Variants in TENM3 observed in about 807,000 individuals in gnomAD.
TENM3 encodes teneurin-3.
TENM3 carries 63 observed loss-of-function variants against 255.1 expected under a neutral mutation model. The observed-to-expected ratio is 0.25, with a 90% confidence interval of 0.20 to 0.30. The LOEUF (loss-of-function observed/expected upper bound fraction) is 0.30. TENM3 is among the 10% of genes least tolerant of loss of function. The probability of loss-of-function intolerance (pLI) is 1.00; values close to 1 mark genes in which losing one functional copy is unlikely to be tolerated. For missense variants in TENM3, 2,929 were observed against 3,461.1 expected, an observed-to-expected ratio of 0.85 and a Z score of 3.86; for synonymous variants, 1,306 against 1,322.3, an observed-to-expected ratio of 0.99 and a Z score of 0.27.
intron 1 of TENM3, among the ~76,000 whole-genome samples, chr4:182,219,121 C>T (rs1214044881): frequency 6.6e-6 from 1 of 152,150 alleles, no homozygotes; most frequent in African/African-American, 2.4e-5. Context: ...ACTCGGGAGG[C>T]TGAGGCAGGT....
the TENM3 span, among the ~76,000 whole-genome samples, chr4:181,928,425 A>T: frequency 1.3e-5 from 2 of 151,934 alleles, no homozygotes; most frequent in African/African-American, 4.8e-5. Context: ...AGAAGAAAGG[A>T]TATCAGAAAT....
At chr4:182,498,071 TC>T (rs1735970620) in intron 3 of TENM3, among the ~76,000 whole-genome samples, 1 of 152,064 alleles carries the variant, frequency 6.6e-6, no homozygotes, top group South Asian at 2.1e-4. Context: ...CTTTTCCTAT[TC>T]AAAATTAAGT....
chr4:182,113,535 A>G, the TENM3 span, among the ~76,000 whole-genome samples: 1 of 152,206 alleles, frequency 6.6e-6, no homozygotes. Context: ...ACCAATGCAT[A>G]TATGAAATGA....
the TENM3 span, among the ~76,000 whole-genome samples, chr4:181,477,424 A>G: frequency 6.6e-6 from 1 of 152,136 alleles, no homozygotes; most frequent in African/African-American, 2.4e-5. Flanking sequence ...TTTGCAGCTG[A>G]AAGTTCAGGA....
chr4:182,267,421 T>A (rs1010609739), intron 1 of TENM3, among the ~76,000 whole-genome samples: 2 of 152,196 alleles, frequency 1.3e-5, no homozygotes, highest in African/African-American at 4.8e-5. Flanking sequence ...ACTGGAATAG[T>A]GTGTTTTCCT....
chr4:182,522,304 C>T (rs1290890547), intron 3 of TENM3, among the ~76,000 whole-genome samples: 2 of 152,300 alleles, frequency 1.3e-5, no homozygotes, highest in South Asian at 2.1e-4. Context: ...ACTGTATTTT[C>T]ATGTCCATCA....
the TENM3 span, among the ~76,000 whole-genome samples, chr4:181,490,113 C>G: frequency 6.6e-6 from 1 of 152,066 alleles, no homozygotes. Flanking sequence ...ATAATCAAAT[C>G]AGGGTAATGG....
At chr4:181,853,989 C>T in the TENM3 span, among the ~76,000 whole-genome samples, 2 of 152,178 alleles carry the variant, frequency 1.3e-5, no homozygotes, top group Non-Finnish European at 2.9e-5. Context: ...TCACTTGTAG[C>T]CATCCCACTG....
the TENM3 span, among the ~76,000 whole-genome samples, chr4:181,909,120 C>T: frequency 5.9e-5 from 9 of 152,166 alleles, no homozygotes; most frequent in African/African-American, 2.2e-4. Flanking sequence ...ACTATTTTAA[C>T]AAGCCTTCAG....
At chr4:182,577,139 A>G (rs1745006762) in intron 3 of TENM3, among the ~76,000 whole-genome samples, 1 of 152,210 alleles carries the variant, frequency 6.6e-6, no homozygotes, top group Non-Finnish European at 1.5e-5. Flanking sequence ...CAACTAAAGC[A>G]TTAGCTTATC....
intron 3 of TENM3, among the ~76,000 whole-genome samples, chr4:182,575,289 T>G (rs1744810439): frequency 6.6e-6 from 1 of 152,228 alleles, no homozygotes; most frequent in African/African-American, 2.4e-5. Context: ...TACAATTGTC[T>G]CAATGAGATT....
the TENM3 span, among the ~76,000 whole-genome samples, chr4:181,719,607 C>T: frequency 1.3e-5 from 2 of 152,290 alleles, no homozygotes; most frequent in East Asian, 3.9e-4. Context: ...AAGGCAGAGC[C>T]CTTATGACCT....
At chr4:182,210,856 C>T (rs1324349529) in intron 1 of TENM3, among the ~76,000 whole-genome samples, 7 of 152,154 alleles carry the variant, frequency 4.6e-5, no homozygotes, top group African/African-American at 7.2e-5. Flanking sequence ...ACCCTCTCTC[C>T]GTAGACCGGT....
chr4:181,780,975 G>A, the TENM3 span, among the ~76,000 whole-genome samples: 5 of 152,046 alleles, frequency 3.3e-5, no homozygotes, highest in Admixed American at 1.3e-4. Flanking sequence ...TGTTCCATTG[G>A]TCTATATCTC....
chr4:181,616,449 A>G, the TENM3 span, among the ~76,000 whole-genome samples: 2 of 148,646 alleles, frequency 1.3e-5, no homozygotes, highest in East Asian at 3.9e-4. Context: ...TCCTATCCAT[A>G]TAATGTAATA....
chr4:182,388,783 A>G (rs1554059389), intron 3 of TENM3, among the ~76,000 whole-genome samples: 1 of 152,172 alleles, frequency 6.6e-6, no homozygotes, highest in African/African-American at 2.4e-5. Flanking sequence ...GGCCACCCCA[A>G]TTTTTCAGAA....
chr4:182,020,939 AT>A, the TENM3 span, among the ~76,000 whole-genome samples: 2 of 149,772 alleles, frequency 1.3e-5, no homozygotes, highest in Non-Finnish European at 3.0e-5. Flanking sequence ...CTCCCTCTGG[AT>A]TTTTTTTTCA....
At chr4:181,582,709 ACTC>A in the TENM3 span, among the ~76,000 whole-genome samples, 2 of 150,790 alleles carry the variant, frequency 1.3e-5, no homozygotes, top group Non-Finnish European at 3.0e-5. Flanking sequence ...AGAAAAGAAA[ACTC>A]CTTTGCGGTT....
At chr4:181,533,001 A>G in the TENM3 span, among the ~76,000 whole-genome samples, 4 of 152,270 alleles carry the variant, frequency 2.6e-5, no homozygotes, top group Middle Eastern at 3.4e-3. Flanking sequence ...TATAAACGTA[A>G]ACTACTAACA....
Sources: allele counts gnomAD v4.1 joint callset (sites outside exome capture counted in the v4.1 genomes callset), GRCh38; gene constraint gnomAD v4.1.1; transcripts MANE v1.5; gene names NCBI Gene and HGNC (gene_info 2026-07-23, HGNC 2026-07-21).